Variants in MAPK8IP1 observed in about 807,000 individuals in gnomAD.
MAPK8IP1 encodes the protein mitogen-activated protein kinase 8 interacting protein 1.
In MAPK8IP1, 17 loss-of-function variants were observed where a neutral mutation model predicts 72.6. The ratio of observed to expected loss-of-function variants is 0.23; its 90% confidence interval spans 0.16 to 0.35. The LOEUF (loss-of-function observed/expected upper bound fraction) is 0.35, where lower values mean the gene tolerates loss of function less well. Ranked by LOEUF, MAPK8IP1 falls within the 10% of genes least tolerant of loss-of-function variation. The pLI is 1.00. For missense variants in MAPK8IP1, 789 were observed against 1,009.7 expected (o/e 0.78, Z 2.96); for synonymous variants, 401 against 443.4 (o/e 0.90, Z 1.20).
At chr11:45,891,247 G>A (rs192747127) in intron 1 of MAPK8IP1, among the ~76,000 whole-genome samples, 38 of 152,294 alleles carry the variant, frequency 2.5e-4, no homozygotes, top group Non-Finnish European at 3.5e-4. Flanking sequence ...CCATCCACAC[G>A]TAGTTCTTAA....
rs1565071920 is a variant in MAPK8IP1 at position 45,895,636 on chromosome 11, ATATATATAT to A, written c.102-2448_102-2440del. Among the ~76,000 whole-genome samples, 62 of 101,406 alleles carry A rather than the reference ATATATATAT, an allele frequency of 6.1e-4. 1 individual carries two copies. Among genetic ancestry groups the A allele is most frequent in the African/African-American group, 3.2e-3 (56 of 17,532 alleles). The allele number at this position is 101,406 out of a possible 152,430, so 66.5% of individuals were successfully genotyped here. ...GGCCGTCTCAAAAAAAAAAAAAAAT[ATATATATAT>A]ATATATATATATATATGTGCAGAGG... On this transcript the variant is annotated intron_variant, in intron 1 of 11. Transcript: ENST00000241014.
rs1324275888 is a variant in MAPK8IP1 at position 45,904,953 on chromosome 11, CT to C, written c.1894-14del. The C allele has an allele frequency of 6.2e-7, 1 of 1,613,698 alleles. No homozygotes were observed. Among genetic ancestry groups the C allele is most frequent in the South Asian group, 1.1e-5 (1 of 91,080 alleles). ...AGGCCAGGTGACCGCCCTCTTGCTT[CT>C]TTTCTCCCTCCTGTAGGGGAATAAA... On this transcript the variant is annotated splice_polypyrimidine_tract_variant and intron_variant, in intron 9 of 11. Transcript: ENST00000241014. The surrounding 1 kb of genome is among the most constrained non-coding windows in gnomAD (Gnocchi z 6.4).
chr11:45,902,006 C>T lies in MAPK8IP1; in HGVS notation c.549C>T (p.Gly183=). 1 of 1,614,084 alleles carries T rather than the reference C, an allele frequency of 6.2e-7. No homozygotes were observed. The highest frequency in any genetic ancestry group is 1.1e-5 in the South Asian group (1 of 91,084). Residue 183 remains glycine (G), a synonymous_variant, in exon 4 of 12, where the codon GGC becomes GGT. Transcript: ENST00000241014. The surrounding 1 kb of genome is among the most constrained non-coding windows in gnomAD (Gnocchi z 9.3). ...ACACACTGAATAATAATTCTCTGGG[C>T]AAAAAGCACAGTTGGCAGGATCGGG... is the stretch of plus-strand genomic sequence containing the variant. ...SQDTLNNNSL[G]KKHSWQDRVS...
In MAPK8IP1 at chr11:45,899,230, GGTCA is replaced by G. The variant is rs578206054; in HGVS notation, c.208-906_208-903del. ...CAGAGCCCTGACTTAGCTTCTCAGA[GGTCA>G]GGCACCTGTTCTGGACTCTCACCCT... On this transcript the variant is annotated intron_variant, in intron 2 of 11. Transcript: ENST00000241014. Among the ~76,000 whole-genome samples, 32 of 152,324 alleles carry G rather than the reference GGTCA, an allele frequency of 2.1e-4. No homozygotes were observed. The South Asian group carries it at 6.2e-3, about 30-fold the overall frequency.
intron 3 of MAPK8IP1, 81 bp from the exon 4 acceptor site, chr11:45,901,899 C>T (rs1590787112): frequency 9.4e-7 from 1 of 1,064,912 alleles, no homozygotes; most frequent in Non-Finnish European, 1.5e-6. Flanking sequence ...TAGGGATGGC[C>T]TGAGGGGGCA....
chr11:45,896,663 G>A (rs2086607916), intron 1 of MAPK8IP1: 2 of 1,404,444 alleles, frequency 1.4e-6, no homozygotes, highest in Admixed American at 2.9e-5. Flanking sequence ...AAGAGCTGGG[G>A]CTGGGACCCG....
intron 1 of MAPK8IP1, among the ~76,000 whole-genome samples, chr11:45,893,688 G>A (rs2086582818): frequency 6.6e-6 from 1 of 152,096 alleles, no homozygotes; most frequent in Non-Finnish European, 1.5e-5. Context: ...GAGGGCCGTA[G>A]GATTCAGTTT....
intron 2 of MAPK8IP1, among the ~76,000 whole-genome samples, chr11:45,898,564 G>T (rs2086625111): frequency 6.6e-6 from 1 of 152,190 alleles, no homozygotes; most frequent in East Asian, 1.9e-4. Context: ...GCCTGAGGCA[G>T]ACAGGGTGGA....
In MAPK8IP1 at chr11:45,904,383, A is replaced by T. The variant is rs942336177; in HGVS notation, c.1667-72A>T. Reference sequence around the variant, plus strand: ...CTCTGCCATTCCCCGTGCCTCACCCACCCTCCTTCACTTGGCTGCTCAGCT... The same window carrying T: ...CTCTGCCATTCCCCGTGCCTCACCCTCCCTCCTTCACTTGGCTGCTCAGCT... On this transcript the variant is annotated intron_variant, in intron 7 of 11. Coordinates refer to ENST00000241014, the MANE Select transcript of MAPK8IP1 (RefSeq NM_005456.4). The surrounding 1 kb of genome is among the most constrained non-coding windows in gnomAD (Gnocchi z 6.4). The T allele has an allele frequency of 7.5e-6, 10 of 1,335,142 alleles. No homozygotes were observed. Among genetic ancestry groups the T allele is most frequent in the Non-Finnish European group, 9.6e-6 (9 of 936,714 alleles). 82.7% of individuals were successfully genotyped at this position (1,335,142 alleles called of 1,614,324 possible).
chr11:45,889,321 C>T (rs1167882092), intron 1 of MAPK8IP1, among the ~76,000 whole-genome samples: 1 of 152,130 alleles, frequency 6.6e-6, no homozygotes, highest in African/African-American at 2.4e-5. Flanking sequence ...GATTTTGGAG[C>T]ATTTCAGATT....
At chr11:45,893,278 AAAT>A (rs2086580221) in intron 1 of MAPK8IP1, among the ~76,000 whole-genome samples, 1 of 147,520 alleles carries the variant, frequency 6.8e-6, no homozygotes, top group African/African-American at 2.7e-5. Flanking sequence ...TGGTTGGTGG[AAAT>A]GTGACCCAGC....
At chr11:45,898,868 A>G (rs548905922) in intron 2 of MAPK8IP1, among the ~76,000 whole-genome samples, 2 of 152,210 alleles carry the variant, frequency 1.3e-5, no homozygotes, top group Non-Finnish European at 2.9e-5. Flanking sequence ...GGGGATCCCA[A>G]CTATGTCTTT....
At position 45,904,665 on chromosome 11, in the gene MAPK8IP1, G is replaced by A; in HGVS notation, c.1777-53G>A. 1.2e-6 allele frequency: 2 copies of A among 1,601,588 alleles called. No individual in the cohort carries two copies. Among genetic ancestry groups the A allele is most frequent in the Non-Finnish European group, 1.7e-6 (2 of 1,169,044 alleles). On this transcript the variant is annotated intron_variant, in intron 8 of 11. Coordinates refer to ENST00000241014, the MANE Select transcript of MAPK8IP1 (RefSeq NM_005456.4). This position sits in a 1 kb window ranked among gnomAD's most constrained non-coding sequence, Gnocchi z 6.4. ...AAGGGCTCAGGCCCTGGGACAGGAG[G>A]GATCAGCAGAGGAACAGACAGCAGC... is the stretch of plus-strand genomic sequence containing the variant.
chr11:45,896,977 T>C, intron 1 of MAPK8IP1: 1 of 1,554,684 alleles, frequency 6.4e-7, no homozygotes, highest in South Asian at 1.2e-5. Flanking sequence ...CTGGCGGGGG[T>C]GGAGACCGAG....
chr11:45,895,589 C>T (rs916504960), intron 1 of MAPK8IP1, among the ~76,000 whole-genome samples: 2 of 147,024 alleles, frequency 1.4e-5, no homozygotes, highest in Non-Finnish European at 3.0e-5. Context: ...CATTGCTCTC[C>T]AGCCTGGGTG....
At chr11:45,893,700 G>A (rs538400458) in intron 1 of MAPK8IP1, among the ~76,000 whole-genome samples, 1 of 152,132 alleles carries the variant, frequency 6.6e-6, no homozygotes, top group African/African-American at 2.4e-5. Flanking sequence ...ATTCAGTTTG[G>A]AGGCCTCCTG....
chr11:45,898,334 A>T (rs1040833421), intron 2 of MAPK8IP1, 144 bp downstream of exon 2: 1 of 639,424 alleles, frequency 1.6e-6, no homozygotes, highest in Non-Finnish European at 2.9e-6. Context: ...AAACATAGGT[A>T]TACTGCTTGG....
chr11:45,901,203 C>G (rs1436278048), intron 3 of MAPK8IP1, among the ~76,000 whole-genome samples: 3 of 152,022 alleles, frequency 2.0e-5, no homozygotes. Context: ...TTTGGCAGCC[C>G]GGCTCAGGAA....
chr11:45,900,516 G>A lies in MAPK8IP1; in HGVS notation c.522+64G>A. 1 of 1,509,590 alleles carries A rather than the reference G, an allele frequency of 6.6e-7. No individual in the cohort carries two copies. The highest frequency in any genetic ancestry group is 8.8e-7 in the Non-Finnish European group (1 of 1,132,692). 93.5% of individuals were successfully genotyped at this position (1,509,590 alleles called of 1,614,324 possible). On this transcript the variant is annotated intron_variant, in intron 3 of 11. Coordinates refer to ENST00000241014, the MANE Select transcript of MAPK8IP1 (RefSeq NM_005456.4). The surrounding 1 kb of genome is among the most constrained non-coding windows in gnomAD (Gnocchi z 6.5). ...GCGGAGATGTGAGGGGGAGCGCAGA[G>A]GGGCTGCAGCGGGAAGGGGCACCCA...
Sources: allele counts gnomAD v4.1 joint callset (sites outside exome capture counted in the v4.1 genomes callset), GRCh38; gene constraint gnomAD v4.1.1; non-coding constraint Gnocchi (gnomAD v3.1); transcripts MANE v1.5; gene names NCBI Gene and HGNC (gene_info 2026-07-23, HGNC 2026-07-21).